Variants in ERC1 observed in about 807,000 individuals in gnomAD.
ERC1 encodes RAB6 interacting protein 2.
A neutral mutation model predicts 132.0 loss-of-function variants in ERC1; 56 were observed. That is an observed-to-expected ratio of 0.42 (90% confidence interval 0.34 to 0.53). ERC1 has a LOEUF of 0.53. Among genes scored for constraint, ERC1 ranks in the 20% least tolerant of loss-of-function variants. The pLI, the probability that ERC1 is intolerant of heterozygous loss-of-function variation, is 0.03. For synonymous variants in ERC1, 478 were observed against 476.1 expected (o/e 1.00, Z -0.05); for missense variants, 1,202 against 1,349.9 (o/e 0.89, Z 1.72).
In ERC1 at chr12:1,351,382, C is replaced by T. The variant is rs74057154; in HGVS notation, c.2781-20451C>T. On this transcript the variant is annotated intron_variant, in intron 15 of 18. Transcript: ENST00000360905. ...TATGTTTAGTTGTGTACAGAACTGCCAAACTGTCTTCCAAAGTGCTGTACC... is the reference window on the plus strand; with the variant it reads ...TATGTTTAGTTGTGTACAGAACTGCTAAACTGTCTTCCAAAGTGCTGTACC... Among the ~76,000 whole-genome samples, 1,037 of 152,286 alleles carry T rather than the reference C, an allele frequency of 6.8e-3. 10 individuals are homozygous for T. The highest frequency in any genetic ancestry group is 0.024 in the African/African-American group (989 of 41,548).
chr12:1,115,059 G>A (rs1946303818), intron 6 of ERC1, among the ~76,000 whole-genome samples: 1 of 152,150 alleles, frequency 6.6e-6, no homozygotes, highest in African/African-American at 2.4e-5. Flanking sequence ...CGAAATTACT[G>A]ACTTGTCAAA....
chr12:1,363,399 A>G (rs537375741), intron 15 of ERC1, among the ~76,000 whole-genome samples: 30 of 152,306 alleles, frequency 2.0e-4, no homozygotes, highest in African/African-American at 6.7e-4. Context: ...TTGTTCAATC[A>G]ATGTCATTTA....
At chr12:1,140,320 T>C (rs73593904) in intron 7 of ERC1, among the ~76,000 whole-genome samples, 6,104 of 152,204 alleles carry the variant, frequency 0.04, 403 homozygotes, top group African/African-American at 0.14. Context: ...AGATACCTTG[T>C]AGTTTAGATA....
intron 17 of ERC1, among the ~76,000 whole-genome samples, chr12:1,411,692 T>C (rs972786225): frequency 2.6e-5 from 4 of 152,212 alleles, no homozygotes; most frequent in African/African-American, 9.6e-5. Flanking sequence ...AGTAGCTGGA[T>C]GTAGTTTACT....
intron 16 of ERC1, among the ~76,000 whole-genome samples, chr12:1,406,436 A>G (rs2091495398): frequency 6.6e-6 from 1 of 152,230 alleles, no homozygotes; most frequent in Non-Finnish European, 1.5e-5. Context: ...GTATGAAAAT[A>G]TGCTATAAGA....
chr12:1,346,934 G>A (rs1366210806), intron 15 of ERC1, among the ~76,000 whole-genome samples: 1 of 105,298 alleles, frequency 9.5e-6, no homozygotes, highest in East Asian at 2.2e-4. Flanking sequence ...GGGCGACAGA[G>A]CGAGACTCCG....
intron 3 of ERC1, among the ~76,000 whole-genome samples, chr12:1,096,118 G>A (rs1944006161): frequency 6.6e-6 from 1 of 152,040 alleles, no homozygotes; most frequent in Admixed American, 6.6e-5. Context: ...CATAGAGATG[G>A]GGATTCACCG....
At chr12:1,114,353 T>C (rs560462315) in intron 6 of ERC1, among the ~76,000 whole-genome samples, 11 of 152,318 alleles carry the variant, frequency 7.2e-5, no homozygotes, top group Admixed American at 2.6e-4. Context: ...ATATTTTCTT[T>C]TCTTTCTTAG....
intron 1 of ERC1, among the ~76,000 whole-genome samples, chr12:1,011,133 A>G (rs886885911): frequency 2.0e-5 from 3 of 152,212 alleles, no homozygotes; most frequent in African/African-American, 7.2e-5. Flanking sequence ...GTACAAAAGG[A>G]TGAAGTGTTC....
At chr12:1,442,411 C>T (rs1275623079) in intron 17 of ERC1, among the ~76,000 whole-genome samples, 6 of 152,286 alleles carry the variant, frequency 3.9e-5, no homozygotes, top group Middle Eastern at 3.4e-3. Flanking sequence ...GAACTGGTAC[C>T]GTAAACCTGC....
intron 16 of ERC1, among the ~76,000 whole-genome samples, chr12:1,401,577 C>T (rs1435237555): frequency 2.0e-5 from 3 of 151,958 alleles, no homozygotes; most frequent in East Asian, 3.9e-4. Context: ...ATATGAATGT[C>T]GCTAAGTTAT....
chr12:1,352,384 A>G (rs887199036), intron 15 of ERC1, among the ~76,000 whole-genome samples: 1 of 152,206 alleles, frequency 6.6e-6, no homozygotes, highest in Non-Finnish European at 1.5e-5. Flanking sequence ...GAAAGGCAGC[A>G]TGTATTGGGG....
intron 2 of ERC1, among the ~76,000 whole-genome samples, chr12:1,050,741 A>G (rs1008298272): frequency 3.3e-4 from 50 of 152,282 alleles, no homozygotes; most frequent in Middle Eastern, 3.4e-3. Flanking sequence ...AACTATTAAG[A>G]AAAAGGTCAG....
chr12:1,476,700 C>G (rs1023477560), intron 18 of ERC1, among the ~76,000 whole-genome samples: 2 of 152,106 alleles, frequency 1.3e-5, no homozygotes, highest in Non-Finnish European at 2.9e-5. Flanking sequence ...ATCAGTACAG[C>G]TATTCTAGAA....
intron 13 of ERC1, among the ~76,000 whole-genome samples, chr12:1,238,941 A>G (rs899318266): frequency 6.6e-6 from 1 of 152,214 alleles, no homozygotes; most frequent in Non-Finnish European, 1.5e-5. Context: ...TAAATGATAG[A>G]TACCAAAGTT....
chr12:1,451,869 G>A (rs1385630345), intron 18 of ERC1, among the ~76,000 whole-genome samples: 1 of 152,010 alleles, frequency 6.6e-6, no homozygotes, highest in African/African-American at 2.4e-5. Context: ...AGATAATTAA[G>A]TTAAAATGAG....
In ERC1 at chr12:1,105,514, C is replaced by T. The variant is rs550360248; in HGVS notation, c.1161+690C>T. On this transcript the variant is annotated intron_variant, in intron 4 of 18. Transcript: ENST00000360905. ...CTGGGACCACAGGCGCCTGCCACCA[C>T]GCCCAGCTAATTTTTTGTATTTTTA... Among the ~76,000 whole-genome samples, 519 of 152,178 alleles carry T rather than the reference C, an allele frequency of 3.4e-3. 4 individuals carry two copies. Among genetic ancestry groups the T allele is most frequent in the African/African-American group, 0.012 (485 of 41,500 alleles).
At chr12:1,317,902 A>G (rs563834926) in intron 15 of ERC1, among the ~76,000 whole-genome samples, 1 of 152,318 alleles carries the variant, frequency 6.6e-6, no homozygotes, top group African/African-American at 2.4e-5. Flanking sequence ...GGCTTCTTCT[A>G]TAGTTTCTCA....
chr12:1,151,617 C>A (rs1441376442), intron 8 of ERC1, among the ~76,000 whole-genome samples: 1 of 152,182 alleles, frequency 6.6e-6, no homozygotes, highest in East Asian at 1.9e-4. Context: ...GGAAACCATC[C>A]TTTGAGCCAG....
Sources: gnomAD v4.1 joint callset for allele counts (sites outside exome capture counted in the v4.1 genomes callset) on GRCh38, gnomAD v4.1.1 for gene constraint, MANE v1.5 for transcripts, NCBI Gene and HGNC (gene_info 2026-07-23, HGNC 2026-07-21) for gene names.